Variants in BICRA observed in about 807,000 individuals in gnomAD.
BICRA encodes the protein BRD4 interacting chromatin remodeling complex associated protein.
Under a neutral mutation model 96.9 loss-of-function variants are expected in BICRA, and 31 were observed. That is an observed-to-expected ratio of 0.32 (90% CI 0.24 to 0.43). BICRA has a LOEUF of 0.43. Among genes scored for constraint, BICRA ranks in the 20% least tolerant of loss-of-function variants. BICRA has a pLI of 1.00. For synonymous variants in BICRA, 1,350 were observed against 1,071.8 expected (o/e 1.26, Z -5.07); for missense variants, 2,283 against 2,190.3 (o/e 1.04, Z -0.84).
intron 1 of BICRA, among the ~76,000 whole-genome samples, chr19:47,620,310 T>C (rs1474287241): frequency 1.3e-5 from 2 of 151,988 alleles, no homozygotes; most frequent in Admixed American, 1.3e-4. Flanking sequence ...GACAGGCATG[T>C]CCCAGGGATG....
chr19:47,640,532 G>GAA (rs11292760), intron 1 of BICRA, among the ~76,000 whole-genome samples: 2 of 110,478 alleles, frequency 1.8e-5, no homozygotes, highest in African/African-American at 3.5e-5. Context: ...TGTCTCAAAA[G>GAA]AAAAAAAAAA....
At chr19:47,673,647 T>G in intron 3 of BICRA, 32 bp downstream of exon 3, 3 of 1,368,814 alleles carry the variant, frequency 2.2e-6, no homozygotes, top group Non-Finnish European at 3.1e-6. Context: ...CCCTGCCCTC[T>G]GTCTCAACCC....
intron 2 of BICRA, among the ~76,000 whole-genome samples, chr19:47,671,138 G>T (rs919805973): frequency 1.3e-5 from 2 of 152,188 alleles, no homozygotes; most frequent in Non-Finnish European, 1.5e-5. Context: ...TGTGTCATTA[G>T]ATTTTTCACA....
Position 47,635,222 on chromosome 19 carries a change from C to G in BICRA, c.-108+26054C>G, listed in dbSNP as rs369686849. ...CACTAAGTACCTTCATAATGTTGTA[C>G]AATCATCACTACTGTCCATTTCTAG... On this transcript the variant is annotated intron_variant, in intron 1 of 14. Coordinates refer to ENST00000594866, the MANE Select transcript of BICRA (RefSeq NM_001394372.1). Among the ~76,000 whole-genome samples the G allele has an allele frequency of 1.3e-3, 197 of 150,962 alleles. 7 individuals carry two copies. In the South Asian group the frequency reaches 0.04, roughly 31 times the overall value.
At chr19:47,620,179 C>A (rs2921551) in intron 1 of BICRA, among the ~76,000 whole-genome samples, 131,090 of 152,046 alleles carry the variant, frequency 0.86, 56,620 homozygotes, top group Admixed American at 0.89. Flanking sequence ...TCAAGCCTGG[C>A]TTTCTCATGA....
Position 47,634,824 on chromosome 19 carries a change from G to A in BICRA, c.-108+25656G>A, listed in dbSNP as rs188215793. ...GTCACCCAGGCTGGAGTGCAGTGGC[G>A]CGATCTCGGCTCACTGCAAGCTCTG... On this transcript the variant is annotated intron_variant, in intron 1 of 14. Coordinates refer to ENST00000594866, the MANE Select transcript of BICRA (RefSeq NM_001394372.1). 3.4e-3 allele frequency among the ~76,000 whole-genome samples: 489 copies of A among 144,102 alleles called. 2 individuals carry two copies. Among genetic ancestry groups the A allele is most frequent in the African/African-American group, 0.012 (464 of 38,756 alleles). 94.5% of individuals were successfully genotyped at this position (144,102 alleles called of 152,430 possible).
chr19:47,674,000 C>T (rs1052320302), intron 4 of BICRA, among the ~76,000 whole-genome samples: 2 of 151,992 alleles, frequency 1.3e-5, no homozygotes, highest in African/African-American at 4.8e-5. Context: ...TGAAAAGGAC[C>T]ATGTAGAGTA....
Position 47,702,160 on chromosome 19 carries a change from G to T in BICRA, c.4428G>T (p.Lys1476Asn). ...APGLPPAKRRKSESPDVDQAS... is the reference protein window; with the variant it reads ...APGLPPAKRRNSESPDVDQAS... ...GGCTGCCCCCTGCCAAGCGGCGCAA[G>T]TCCGAGTCGCCCGACGTGGACCAGG... The change falls in exon 15 of 15, where the codon AAG (lysine) becomes AAT (asparagine). Residue 1476 changes from lysine to asparagine, a missense_variant. By Grantham distance (94) the Lys-to-Asn change is moderately conservative. Transcript: ENST00000594866. 6.4e-6 allele frequency: 10 copies of T among 1,566,430 alleles called. No individual in the cohort carries two copies. The highest frequency in any genetic ancestry group is 8.6e-6 in the Non-Finnish European group (10 of 1,163,944).
At chr19:47,670,173 C>T (rs745731775) in intron 1 of BICRA, among the ~76,000 whole-genome samples, 4 of 151,818 alleles carry the variant, frequency 2.6e-5, no homozygotes. Flanking sequence ...ACGCTGGTCT[C>T]GAACTCCTGA....
At position 47,698,985 on chromosome 19, in the gene BICRA, G is replaced by C. The variant is rs1437580495; in HGVS notation, c.3418G>C (p.Val1140Leu). 3 of 1,585,652 alleles carry C rather than the reference G, an allele frequency of 1.9e-6. No individual in the cohort carries two copies. The highest frequency in any genetic ancestry group is 2.7e-5 in the African/African-American group (2 of 74,030). Residue 1140 changes from valine (V) to leucine (L), a missense_variant, in exon 13 of 15, where the codon GTC becomes CTC. Coordinates refer to ENST00000594866, the MANE Select transcript of BICRA (RefSeq NM_001394372.1). The surrounding 1 kb of genome is among the most constrained non-coding windows in gnomAD (Gnocchi z 4.8). Reference protein sequence around the residue: ...YHKVDEEFETVSTQLLKRTQA... With the variant: ...YHKVDEEFETLSTQLLKRTQA... ...CGCAGTGGACGAGGAGTTTGAGACGGTCTCCACGCAGCTGCTGAAACGCAC... is the reference window on the plus strand; with the variant it reads ...CGCAGTGGACGAGGAGTTTGAGACGCTCTCCACGCAGCTGCTGAAACGCAC...
chr19:47,668,694 G>A (rs1003413998), intron 1 of BICRA, among the ~76,000 whole-genome samples: 3 of 152,160 alleles, frequency 2.0e-5, no homozygotes, highest in East Asian at 3.9e-4. Context: ...GTTTTGCCAC[G>A]TTGGCCAGGC....
At position 47,679,631 on chromosome 19, in the gene BICRA, C is replaced by T. The variant is rs1269890368; in HGVS notation, c.461C>T (p.Ala154Val). 30 of 1,512,662 alleles carry T rather than the reference C, an allele frequency of 2.0e-5. No homozygotes were observed. The highest frequency in any genetic ancestry group is 4.3e-5 in the Admixed American group (2 of 46,196). The allele number at this position is 1,512,662 out of a possible 1,614,324, so 93.7% of individuals were successfully genotyped here. A position where few individuals can be genotyped will look rare whatever the true frequency, so the allele number is the denominator to read the frequency against. Residue 154 changes from alanine (A) to valine (V), a missense_variant, in exon 6 of 15, where the codon GCG becomes GTG. Physicochemically the swap from Ala to Val is moderately conservative, Grantham distance 64. Transcript: ENST00000594866. ...TGAGGAAAVA[A>V]GPQALFPGST... is the part of the protein sequence containing the mutation. ...GCTGGAGGGGCAGCGGCCGTGGCTGCGGGGCCCCAAGCCCTCTTCCCAGGC... is the reference window on the plus strand; with the variant it reads ...GCTGGAGGGGCAGCGGCCGTGGCTGTGGGGCCCCAAGCCCTCTTCCCAGGC...
intron 7 of BICRA, among the ~76,000 whole-genome samples, chr19:47,693,867 C>A (rs962421907): frequency 6.6e-6 from 1 of 152,002 alleles, no homozygotes; most frequent in African/African-American, 2.4e-5. Context: ...GGGTTGAGAT[C>A]GGAGGCCAGA....
At chr19:47,625,857 G>T (rs1334746272) in intron 1 of BICRA, among the ~76,000 whole-genome samples, 19 of 152,210 alleles carry the variant, frequency 1.2e-4, no homozygotes, top group Admixed American at 1.2e-3. Context: ...GGGCTGTGTG[G>T]GGGCCGGGGG....
chr19:47,680,529 C>T lies in BICRA; in HGVS notation c.1359C>T (p.Asn453=). ...LSKPMSVHLL[N]QGSSIVIPAQ... is the part of the protein sequence containing the mutation. ...AACCCATGAGCGTCCACCTCCTGAA[C>T]CAAGGCAGCAGCATCGTCATCCCCG... is the stretch of plus-strand genomic sequence containing the variant. The change falls in exon 6 of 15, where the codon AAC becomes AAT. Residue 453 remains asparagine (N), a synonymous_variant. Coordinates refer to ENST00000594866, the MANE Select transcript of BICRA (RefSeq NM_001394372.1). 1.3e-6 allele frequency: 2 copies of T among 1,553,006 alleles called. No individual in the cohort carries two copies. The highest frequency in any genetic ancestry group is 8.7e-7 in the Non-Finnish European group (1 of 1,149,694).
In BICRA at chr19:47,701,417, T is replaced by C; in HGVS notation, c.3685T>C (p.Ser1229Pro). The change falls in exon 15 of 15, where the codon TCT becomes CCT. Residue 1229 changes from serine (S) to proline (P), a missense_variant. Physicochemically the swap from Ser to Pro is moderately conservative, Grantham distance 74 (BLOSUM62 -1). Transcript: ENST00000594866. This position sits in a 1 kb window ranked among gnomAD's most constrained non-coding sequence, Gnocchi z 5.4. ...HRLPGHGPLS[S>P]SAPGASTQPP... ...GCTTCCCGGCCACGGCCCCCTGTCG[T>C]CTTCAGCTCCCGGGGCCTCCACCCA... The C allele has an allele frequency of 6.3e-7, 1 of 1,594,010 alleles. No homozygotes were observed. Among genetic ancestry groups the C allele is most frequent in the Middle Eastern group, 1.7e-4 (1 of 6,056 alleles).
In BICRA at chr19:47,670,967, G is replaced by A. The variant is rs1053998038; in HGVS notation, c.-6+423G>A. On this transcript the variant is annotated intron_variant, in intron 2 of 14. Transcript: ENST00000594866. ...GCGAGAGCCCGGGAGGCACCTCCCCGGGGACACTCCCCACAGCCAGCCCCT... is the reference window on the plus strand; with the variant it reads ...GCGAGAGCCCGGGAGGCACCTCCCCAGGGACACTCCCCACAGCCAGCCCCT... 9.9e-5 allele frequency among the ~76,000 whole-genome samples: 15 copies of A among 152,194 alleles called. No homozygotes were observed. The East Asian group carries it at 1.2e-3, about 12-fold the overall frequency.
At position 47,694,360 on chromosome 19, in the gene BICRA, TCC is replaced by T; in HGVS notation, c.2533_2534del (p.Pro845AlafsTer25). The T allele has an allele frequency of 8.4e-7, 1 of 1,193,950 alleles. No individual in the cohort carries two copies. Among genetic ancestry groups the T allele is most frequent in the Non-Finnish European group, 1.2e-6 (1 of 858,208 alleles). The allele number at this position is 1,193,950 out of a possible 1,614,324, so 74.0% of individuals were successfully genotyped here. ...IFVIQNQLGV[P>X]PPASNPAPTA... ...TTGTCATCCAAAACCAGCTAGGCGT[TCC>T]CCCGCCTGCCAGCAACCCGGCCCCT... On this transcript the variant is annotated frameshift_variant, in exon 8 of 15. Transcript: ENST00000594866. LOFTEE classifies it high-confidence loss of function.
chr19:47,682,069 G>T lies in BICRA; in HGVS notation c.2200G>T (p.Ala734Ser). 7.3e-7 allele frequency: 1 copy of T among 1,370,378 alleles called. No individual in the cohort carries two copies. The highest frequency in any genetic ancestry group is 9.8e-7 in the Non-Finnish European group (1 of 1,023,514). The allele number at this position is 1,370,378 out of a possible 1,614,324, so 84.9% of individuals were successfully genotyped here. A position where few individuals can be genotyped will look rare whatever the true frequency, so the allele number is the denominator to read the frequency against. The change falls in exon 7 of 15, where the codon GCC becomes TCC. Residue 734 changes from alanine to serine, a missense_variant. By Grantham distance (99) the Ala-to-Ser change is moderately conservative. Transcript: ENST00000594866. ...CGCCCCGCCTCCCGCCCAAGACCCA[G>T]CCCCAGCCACCCCCGTCGCCAAAGG... ...VSAPPPAQDP[A>S]PATPVAKGAG...
Sources: allele counts gnomAD v4.1 joint callset (sites outside exome capture counted in the v4.1 genomes callset), GRCh38; gene constraint gnomAD v4.1.1; non-coding constraint Gnocchi (gnomAD v3.1); transcripts MANE v1.5; gene names NCBI Gene and HGNC (gene_info 2026-07-23, HGNC 2026-07-21).